Variants in HTR7 observed in about 807,000 individuals in gnomAD.
HTR7 encodes 5-hydroxytryptamine receptor 7.
In HTR7, 16 loss-of-function variants were observed where a neutral mutation model predicts 34.0. That is an observed-to-expected ratio of 0.47 (90% confidence interval 0.32 to 0.71). The LOEUF is 0.71. Ranked by LOEUF, HTR7 falls within the 30% of genes least tolerant of loss-of-function variation. HTR7 has a pLI of 0.04. For synonymous variants in HTR7, 265 were observed against 260.2 expected (o/e 1.02, Z -0.18); for missense variants, 504 against 625.5 (o/e 0.81, Z 2.07).
At chr10:90,830,981 C>A (rs1846160596) in intron 1 of HTR7, among the ~76,000 whole-genome samples, 1 of 152,216 alleles carries the variant, frequency 6.6e-6, no homozygotes, top group Middle Eastern at 3.2e-3. Context: ...CAGGCTCTGC[C>A]ACTTAGCAGT....
At chr10:90,757,088 A>T (rs1480721814) in intron 1 of HTR7, among the ~76,000 whole-genome samples, 1 of 152,226 alleles carries the variant, frequency 6.6e-6, no homozygotes, top group Non-Finnish European at 1.5e-5. Context: ...CAGCAATAAT[A>T]AAAGAAATGA....
chr10:90,793,834 A>C (rs1845496185), intron 1 of HTR7, among the ~76,000 whole-genome samples: 3 of 152,140 alleles, frequency 2.0e-5, no homozygotes, highest in Admixed American at 2.0e-4. Context: ...CTGACAAATC[A>C]CTGGTGTCCA....
At position 90,777,486 on chromosome 10, in the gene HTR7, A is replaced by G. The variant is rs1182993864; in HGVS notation, c.540-27892T>C. 2.0e-5 allele frequency among the ~76,000 whole-genome samples: 3 copies of G among 151,698 alleles called. 1 individual carries two copies. The highest frequency in any genetic ancestry group is 7.3e-5 in the African/African-American group (3 of 41,368). On this transcript the variant is annotated intron_variant, in intron 1 of 3. Transcript: ENST00000336152. The stretch of plus-strand genomic sequence containing the variant: ...ACAGAGAGAGACTCCGTCTCAAAAA[A>G]AAAAAAAAAAAAAAGATGCCTCCTA...
chr10:90,754,810 G>A (rs551044905), intron 1 of HTR7, among the ~76,000 whole-genome samples: 1 of 152,314 alleles, frequency 6.6e-6, no homozygotes, highest in African/African-American at 2.4e-5. Context: ...AATTTAGGGA[G>A]TAAAAGAAAC....
chr10:90,806,894 G>A (rs146659463), intron 1 of HTR7, among the ~76,000 whole-genome samples: 7 of 152,246 alleles, frequency 4.6e-5, no homozygotes, highest in African/African-American at 1.7e-4. Flanking sequence ...ACCTGCAAAG[G>A]GGAAAGATAG....
chr10:90,831,960 A>G (rs1266067894), intron 1 of HTR7, among the ~76,000 whole-genome samples: 1 of 152,214 alleles, frequency 6.6e-6, no homozygotes, highest in African/African-American at 2.4e-5. Context: ...CGATTGGCGC[A>G]TTCACAAACC....
chr10:90,750,080 T>G (rs1297550844), intron 1 of HTR7, among the ~76,000 whole-genome samples: 1 of 152,244 alleles, frequency 6.6e-6, no homozygotes, highest in Non-Finnish European at 1.5e-5. Context: ...CCCTTTGCAT[T>G]ACAGCAAAAG....
intron 1 of HTR7, among the ~76,000 whole-genome samples, chr10:90,799,698 C>T (rs1845595932): frequency 6.6e-6 from 1 of 152,136 alleles, no homozygotes; most frequent in Non-Finnish European, 1.5e-5. Flanking sequence ...TGCTGGCAAA[C>T]AGCTGCTGTT....
Position 90,857,149 on chromosome 10 carries a change from C to T in HTR7, c.523G>A (p.Val175Met). ...GGCCCTTACCTGTCAATGCTGATCACGCACAGGGTCATGATCGAGGCCGTG... is the reference window on the plus strand; with the variant it reads ...GGCCCTTACCTGTCAATGCTGATCATGCACAGGGTCATGATCGAGGCCGTG... The part of the protein sequence containing the change: ...CCTASIMTLC[V>M]ISIDRYLGIT... Residue 175 changes from valine to methionine, a missense_variant, in exon 1 of 4, where the codon GTG becomes ATG. Physicochemically the swap from Val to Met is conservative, Grantham distance 21 (BLOSUM62 1). This residue lies in a region of HTR7 where 154 missense variants were observed against 248.8 expected (regional missense o/e 0.62). Coordinates refer to ENST00000336152, the MANE Select transcript of HTR7 (RefSeq NM_019859.4). The surrounding 1 kb of genome is among the most constrained non-coding windows in gnomAD (Gnocchi z 6.5). 2 of 1,601,578 alleles carry T rather than the reference C, an allele frequency of 1.2e-6. No homozygotes were observed. The highest frequency in any genetic ancestry group is 1.1e-5 in the South Asian group (1 of 88,746).
chr10:90,764,164 G>C (rs914774780), intron 1 of HTR7, among the ~76,000 whole-genome samples: 2 of 152,200 alleles, frequency 1.3e-5, no homozygotes, highest in Non-Finnish European at 2.9e-5. Flanking sequence ...ACTGGCTGGA[G>C]ATGGTATCTC....
intron 1 of HTR7, among the ~76,000 whole-genome samples, chr10:90,850,317 G>C (rs987521402): frequency 5.3e-5 from 8 of 152,238 alleles, no homozygotes; most frequent in African/African-American, 1.9e-4. Flanking sequence ...ATCCTAGAAA[G>C]AGGCATCTGC....
chr10:90,752,718 A>T (rs1286707830), intron 1 of HTR7, among the ~76,000 whole-genome samples: 1 of 152,194 alleles, frequency 6.6e-6, no homozygotes, highest in African/African-American at 2.4e-5. Flanking sequence ...ATATAAGGGA[A>T]TTCAATATAA....
intron 1 of HTR7, among the ~76,000 whole-genome samples, chr10:90,844,649 C>T (rs1182586586): frequency 2.1e-5 from 3 of 142,282 alleles, no homozygotes; most frequent in Admixed American, 7.4e-5. Flanking sequence ...ATGGCATGAA[C>T]CCGGGAGGCG....
rs920356141 is a variant in HTR7 at position 90,749,774 on chromosome 10, G to A, written c.540-180C>T. Among the ~76,000 whole-genome samples the A allele has an allele frequency of 6.6e-6, 1 of 152,164 alleles. No individual in the cohort carries two copies. Among genetic ancestry groups the A allele is most frequent in the East Asian group, 1.9e-4 (1 of 5,196 alleles). On this transcript the variant is annotated intron_variant, in intron 1 of 3. Transcript: ENST00000336152. This position sits in a 1 kb window ranked among gnomAD's most constrained non-coding sequence, Gnocchi z 4.2. ...TGAGATGTTACCTATTTTATTCCGGGTCACACAGAGGCATTGCCAGATTGT... is the reference window on the plus strand; with the variant it reads ...TGAGATGTTACCTATTTTATTCCGGATCACACAGAGGCATTGCCAGATTGT...
At chr10:90,759,761 G>C (rs942776578) in intron 1 of HTR7, among the ~76,000 whole-genome samples, 16 of 149,046 alleles carry the variant, frequency 1.1e-4, no homozygotes, top group Non-Finnish European at 2.1e-4. Context: ...TAGCATAACA[G>C]AATGTAAATT....
chr10:90,855,385 G>A (rs1846562984), intron 1 of HTR7, among the ~76,000 whole-genome samples: 1 of 152,188 alleles, frequency 6.6e-6, no homozygotes, highest in Admixed American at 6.5e-5. Flanking sequence ...GCCCAGAAGA[G>A]GAGAAACACT....
At chr10:90,854,371 C>A (rs1299000750) in intron 1 of HTR7, among the ~76,000 whole-genome samples, 1 of 151,410 alleles carries the variant, frequency 6.6e-6, no homozygotes, top group Non-Finnish European at 1.5e-5. Context: ...CTCACTCCCC[C>A]CAAAAAAACA....
rs375998376 is a variant in HTR7, at chr10:90,794,888, G to A, written c.540-45294C>T. Among the ~76,000 whole-genome samples, 6 of 152,220 alleles carry A rather than the reference G, an allele frequency of 3.9e-5. No individual in the cohort carries two copies. The East Asian group carries it at 9.6e-4, about 24-fold the overall frequency. The stretch of plus-strand genomic sequence containing the variant: ...GGCATCACCACAAACACGTGAGTAA[G>A]GCATTGTGCTATGACGTAAAGATGG... On this transcript the variant is annotated intron_variant, in intron 1 of 3. Transcript: ENST00000336152.
At chr10:90,838,697 C>T (rs542381345) in intron 1 of HTR7, among the ~76,000 whole-genome samples, 327 of 152,314 alleles carry the variant, frequency 2.1e-3, no homozygotes, top group Non-Finnish European at 4.1e-3. Context: ...CTCTCTCCTC[C>T]AATCACACTG....
Sources: gnomAD v4.1 joint callset for allele counts (sites outside exome capture counted in the v4.1 genomes callset) on GRCh38, gnomAD v4.1.1 for gene constraint, gnomAD v4.1.1 regional missense constraint, Gnocchi (gnomAD v3.1) non-coding constraint, MANE v1.5 for transcripts, NCBI Gene and HGNC (gene_info 2026-07-23, HGNC 2026-07-21) for gene names.